The following LCORL variants were observed in gnomAD, a reference collection of about 807,000 sequenced individuals.
LCORL encodes ligand-dependent nuclear receptor corepressor-like protein.
LCORL carries 41 observed loss-of-function variants against 141.8 expected under a neutral mutation model. That is an observed-to-expected ratio of 0.29 (90% confidence interval 0.23 to 0.38). The LOEUF (loss-of-function observed/expected upper bound fraction) is 0.38, where lower values mean the gene tolerates loss of function less well. Among genes scored for constraint, LCORL ranks in the 10% least tolerant of loss-of-function variants. The pLI is 1.00. For missense variants in LCORL, 1,759 were observed against 2,035.0 expected (o/e 0.86, Z 2.61); for synonymous variants, 618 against 694.1 (o/e 0.89, Z 1.72).
chr4:18,006,202 G>A (rs1722779636), intron 1 of LCORL, among the ~76,000 whole-genome samples: 1 of 152,114 alleles, frequency 6.6e-6, no homozygotes, highest in African/African-American at 2.4e-5. Context: ...CTACCAGTCT[G>A]TTTGCTAAAA....
At chr4:18,018,348 A>T (rs947182344) in intron 1 of LCORL, among the ~76,000 whole-genome samples, 11 of 152,168 alleles carry the variant, frequency 7.2e-5, no homozygotes, top group African/African-American at 2.7e-4. Flanking sequence ...GAAAACTATA[A>T]CACAGTACAG....
intron 5 of LCORL, among the ~76,000 whole-genome samples, chr4:17,887,000 A>G (rs1192592582): frequency 1.3e-5 from 2 of 152,104 alleles, no homozygotes; most frequent in Non-Finnish European, 2.9e-5. Flanking sequence ...AAAAATTATT[A>G]TTGAAAAATA....
intron 2 of LCORL, among the ~76,000 whole-genome samples, chr4:17,967,506 A>T (rs1715143058): frequency 6.6e-6 from 1 of 152,192 alleles, no homozygotes; most frequent in Non-Finnish European, 1.5e-5. Context: ...AACTCTCTGT[A>T]CTTTCTACTC....
At chr4:18,013,371 C>A (rs944946905) in intron 1 of LCORL, among the ~76,000 whole-genome samples, 6 of 152,314 alleles carry the variant, frequency 3.9e-5, no homozygotes, top group African/African-American at 1.4e-4. Context: ...TAAGTAATCT[C>A]ATCTATTTCT....
chr4:17,866,657 G>A (rs1725697370), intron 7 of LCORL, among the ~76,000 whole-genome samples: 1 of 151,960 alleles, frequency 6.6e-6, no homozygotes, highest in African/African-American at 2.4e-5. Flanking sequence ...AAAAAAAAAA[G>A]TGGCAAGATG....
intron 4 of LCORL, chr4:17,913,098 C>T (rs1048132431): frequency 6.1e-5 from 12 of 195,878 alleles, no homozygotes; most frequent in African/African-American, 9.4e-5. Flanking sequence ...CCTGCAGTGA[C>T]GGAACATCCG....
At chr4:17,845,959 C>T in intron 7 of LCORL, 58 bp from the exon 8 acceptor site, 2 of 1,389,738 alleles carry the variant, frequency 1.4e-6, no homozygotes, top group South Asian at 2.6e-5. Context: ...TAATTATCAA[C>T]CTTGTAAAAG....
chr4:17,950,313 G>A (rs1577517920), intron 4 of LCORL, among the ~76,000 whole-genome samples: 1 of 152,064 alleles, frequency 6.6e-6, no homozygotes, highest in Non-Finnish European at 1.5e-5. Flanking sequence ...TCTGATAATA[G>A]AACATGCTTA....
chr4:17,993,183 C>A (rs1338226641), intron 1 of LCORL, among the ~76,000 whole-genome samples: 1 of 152,034 alleles, frequency 6.6e-6, no homozygotes, highest in Non-Finnish European at 1.5e-5. Context: ...AATACAGTAG[C>A]TGAGAATATT....
intron 1 of LCORL, among the ~76,000 whole-genome samples, chr4:17,983,701 C>T (rs1222239864): frequency 1.3e-5 from 2 of 152,072 alleles, no homozygotes; most frequent in African/African-American, 4.8e-5. Context: ...AGAATGATGT[C>T]TATATCATCA....
At chr4:17,906,843 C>G (rs1045858533) in intron 5 of LCORL, among the ~76,000 whole-genome samples, 2 of 152,042 alleles carry the variant, frequency 1.3e-5, no homozygotes, top group African/African-American at 4.8e-5. Flanking sequence ...TGTGCCACCA[C>G]GCCCAGCTAA....
chr4:17,907,654 G>T (rs1731852641), intron 5 of LCORL, among the ~76,000 whole-genome samples: 2 of 150,612 alleles, frequency 1.3e-5, no homozygotes. Flanking sequence ...TGATTGTGAG[G>T]ATTTTTTTTA....
At chr4:17,876,980 A>G in exon 7 of LCORL, 1 of 1,230,744 alleles carries the variant, frequency 8.1e-7, no homozygotes, top group Non-Finnish European at 1.0e-6. Flanking sequence ...GCCCTTGGTC[A>G]TGATAGAATT....
At chr4:17,863,220 G>A (rs1489306016) in intron 7 of LCORL, among the ~76,000 whole-genome samples, 1 of 152,184 alleles carries the variant, frequency 6.6e-6, no homozygotes, top group Non-Finnish European at 1.5e-5. Context: ...GGAGACTGAG[G>A]CAGGAGAATC....
intron 5 of LCORL, among the ~76,000 whole-genome samples, chr4:17,901,338 A>C (rs1213651108): frequency 6.6e-6 from 1 of 151,904 alleles, no homozygotes; most frequent in Non-Finnish European, 1.5e-5. Flanking sequence ...ATAATTATGT[A>C]CCTAGAGAAA....
At chr4:17,995,484 T>C (rs1385075692) in intron 1 of LCORL, among the ~76,000 whole-genome samples, 1 of 152,108 alleles carries the variant, frequency 6.6e-6, no homozygotes, top group East Asian at 1.9e-4. Flanking sequence ...AAACTCAGCA[T>C]TAAAGAAACC....
chr4:17,987,524 A>T (rs1719198207), intron 1 of LCORL, among the ~76,000 whole-genome samples: 1 of 152,182 alleles, frequency 6.6e-6, no homozygotes, highest in Non-Finnish European at 1.5e-5. Flanking sequence ...TGAAATTTAC[A>T]TGAAACAGAT....
intron 1 of LCORL, among the ~76,000 whole-genome samples, chr4:18,010,396 G>GTC (rs71651872): frequency 0.2 from 30,648 of 151,352 alleles, 3,875 homozygotes; most frequent in African/African-American, 0.36. Context: ...ATGTGTGTGT[G>GTC]TCTGTGTGTG....
At chr4:17,999,536 C>T (rs903672765) in intron 1 of LCORL, among the ~76,000 whole-genome samples, 1 of 151,978 alleles carries the variant, frequency 6.6e-6, no homozygotes, top group Non-Finnish European at 1.5e-5. Context: ...TATGGGACCA[C>T]CCTCTTATAT....
Sources: allele counts gnomAD v4.1 joint callset (sites outside exome capture counted in the v4.1 genomes callset), GRCh38; gene constraint gnomAD v4.1.1; transcripts MANE v1.5; gene names NCBI Gene and HGNC (gene_info 2026-07-23, HGNC 2026-07-21).